MYH7B: variants seen among roughly 807,000 people sequenced by gnomAD.
The protein encoded by MYH7B is myosin heavy chain 7B, also known as myosin-7B.
A neutral mutation model predicts 234.5 loss-of-function variants in MYH7B; 205 were observed. The observed-to-expected ratio is 0.87, with a 90% CI of 0.78 to 0.98. The LOEUF is 0.98. Among genes scored for constraint, MYH7B ranks in the 50% least tolerant of loss-of-function variants. The probability of loss-of-function intolerance (pLI) is 0.00; values close to 1 mark genes in which losing one functional copy is unlikely to be tolerated. For synonymous variants in MYH7B, 1,193 were observed against 1,105.0 expected (o/e 1.08, Z -1.58); for missense variants, 2,652 against 2,633.4 (o/e 1.01, Z -0.15).
At chr20:34,991,249 G>C (rs1415745580) in intron 24 of MYH7B, 128 bp downstream of exon 24, 16 of 672,304 alleles carry the variant, frequency 2.4e-5, no homozygotes, top group African/African-American at 2.3e-4. Context: ...GAGGGGCCTG[G>C]CCAGGTATCC....
chr20:34,994,056 G>C, intron 26 of MYH7B, 90 bp from the exon 27 acceptor site: 1 of 1,522,212 alleles, frequency 6.6e-7, no homozygotes, highest in Non-Finnish European at 8.9e-7. Context: ...TGAGGCTGCT[G>C]GGAAGGCAAA....
At chr20:34,965,199 GT>G (rs1239822158) in intron 2 of MYH7B, among the ~76,000 whole-genome samples, 1 of 152,160 alleles carries the variant, frequency 6.6e-6, no homozygotes, top group African/African-American at 2.4e-5. Flanking sequence ...GCTCATTCCT[GT>G]TTTATAGATG....
intron 2 of MYH7B, among the ~76,000 whole-genome samples, chr20:34,972,881 C>G (rs947264256): frequency 3.3e-5 from 5 of 152,164 alleles, no homozygotes; most frequent in Admixed American, 6.5e-5. Flanking sequence ...GATCCTCCTG[C>G]CTCAAGCCTT....
chr20:34,986,510 T>C (rs1438468856), intron 14 of MYH7B, among the ~76,000 whole-genome samples: 1 of 152,198 alleles, frequency 6.6e-6, no homozygotes, highest in Non-Finnish European at 1.5e-5. Context: ...CTCTCCTCTC[T>C]GGCAAGCCCG....
chr20:34,959,783 AC>A (rs1378671749), intron 2 of MYH7B, among the ~76,000 whole-genome samples: 1 of 151,952 alleles, frequency 6.6e-6, no homozygotes, highest in East Asian at 1.9e-4. Context: ...GGCTTTCCTC[AC>A]TTTCAAAGTG....
chr20:34,992,952 CT>C, intron 24 of MYH7B, 149 bp from the exon 25 acceptor site: 1 of 954,788 alleles, frequency 1.0e-6, no homozygotes, highest in African/African-American at 1.6e-5. Flanking sequence ...GGCATGTGCC[CT>C]GCTGGAACCT....
chr20:35,000,786 CAGA>C lies in MYH7B; in HGVS notation c.5206_5208del (p.Lys1736del), dbSNP rs752164557. On this transcript the variant is annotated inframe_deletion, in exon 40 of 45. Coordinates refer to ENST00000262873, the Ensembl canonical transcript of MYH7B. ...CCCTCAGAACACAGGCCTCCTAAAC[CAGA>C]AGAAGAAGCTGGAGGCGGACTTGGC... The C allele has an allele frequency of 1.5e-4, 249 of 1,613,606 alleles. No homozygotes were observed. Among genetic ancestry groups the C allele is most frequent in the East Asian group, 2.0e-4 (9 of 44,858 alleles).
At chr20:34,969,540 CTTTTTTTTTTTT>C (rs770172832) in intron 2 of MYH7B, among the ~76,000 whole-genome samples, 12 of 126,780 alleles carry the variant, frequency 9.5e-5, no homozygotes, top group Non-Finnish European at 1.6e-4. Flanking sequence ...TCTTCTGCTC[CTTTTTTTTTTTT>C]TTTTTTTTTT....
intron 2 of MYH7B, among the ~76,000 whole-genome samples, chr20:34,967,989 T>A (rs1600407899): frequency 1.3e-5 from 2 of 152,212 alleles, no homozygotes; most frequent in Admixed American, 1.3e-4. Flanking sequence ...ACCCAAGGCT[T>A]CCCGCCATAG....
At chr20:34,973,395 C>T (rs540037226) in intron 2 of MYH7B, among the ~76,000 whole-genome samples, 1 of 152,354 alleles carries the variant, frequency 6.6e-6, no homozygotes, top group African/African-American at 2.4e-5. Flanking sequence ...GCATTATTCA[C>T]AGAGTCCTTC....
At chr20:35,001,075 C>T (rs778260238) in exon 41 of MYH7B, 9 of 1,613,636 alleles carry the variant, frequency 5.6e-6, no homozygotes, top group Middle Eastern at 1.7e-4. Context: ...GCAGACGGTG[C>T]GCGAGCTCCA....
chr20:34,979,386 C>G lies in MYH7B; in HGVS notation c.92-4C>G. 6.2e-7 allele frequency: 1 copy of G among 1,610,402 alleles called. No individual in the cohort carries two copies. Among genetic ancestry groups the G allele is most frequent in the Non-Finnish European group, 8.5e-7 (1 of 1,177,822 alleles). On this transcript the variant is annotated splice_polypyrimidine_tract_variant and splice_region_variant and intron_variant, in intron 5 of 44. Transcript: ENST00000262873. ...CTGAGTCCAGAGCTCTCTCTGCAAC[C>G]CAGGGAAGAAGCGAGTCTGGGTGCC...
exon 39 of MYH7B, chr20:35,000,663 G>A (rs753185788): frequency 3.2e-6 from 5 of 1,586,668 alleles, no homozygotes; most frequent in Middle Eastern, 1.7e-4. Context: ...GGAGGCCACC[G>A]AGCGCCTCAA....
exon 14 of MYH7B, chr20:34,986,143 G>A (rs750564181): frequency 2.5e-6 from 4 of 1,598,604 alleles, no homozygotes; most frequent in Admixed American, 3.4e-5. Flanking sequence ...TGCCTGGTGA[G>A]CGCAGCTACC....
intron 2 of MYH7B, among the ~76,000 whole-genome samples, chr20:34,959,712 C>G (rs2081674629): frequency 6.6e-6 from 1 of 152,008 alleles, no homozygotes; most frequent in East Asian, 1.9e-4. Flanking sequence ...CTCCTGACCT[C>G]GTGATCTGCC....
chr20:34,999,355 A>C, exon 36 of MYH7B: 6 of 1,547,088 alleles, frequency 3.9e-6, no homozygotes, highest in Non-Finnish European at 5.2e-6. Flanking sequence ...GGCCACGAGG[A>C]GGCACTTGAA....
At chr20:34,999,129 G>C (rs765466405) in exon 36 of MYH7B, 1 of 1,613,698 alleles carries the variant, frequency 6.2e-7, no homozygotes, top group Non-Finnish European at 8.5e-7. Flanking sequence ...CTCATCGTTG[G>C]AGAAGGCCAA....
chr20:35,000,581 G>T, exon 39 of MYH7B: 1 of 1,566,258 alleles, frequency 6.4e-7, no homozygotes. Context: ...TGCTGGCTGC[G>T]GAGCTGGAGG....
chr20:34,997,086 G>A, exon 31 of MYH7B: 3 of 1,548,610 alleles, frequency 1.9e-6, no homozygotes, highest in Non-Finnish European at 2.6e-6. Context: ...CTCCCAGGAA[G>A]GACTCCGAGC....
Sources: gnomAD v4.1 joint callset for allele counts (sites outside exome capture counted in the v4.1 genomes callset) on GRCh38, gnomAD v4.1.1 for gene constraint, MANE v1.5 for transcripts, NCBI Gene and HGNC (gene_info 2026-07-23, HGNC 2026-07-21) for gene names.